Variants in ADAM12 observed in about 807,000 individuals in gnomAD.
ADAM12 encodes ADAM metallopeptidase domain 12, also known as disintegrin and metalloproteinase domain-containing protein 12.
A neutral mutation model predicts 106.4 loss-of-function variants in ADAM12; 70 were observed. That is an observed-to-expected ratio of 0.66 (90% CI 0.54 to 0.80). The LOEUF (loss-of-function observed/expected upper bound fraction) is 0.80. Among genes scored for constraint, ADAM12 ranks in the 30% least tolerant of loss-of-function variants. The pLI, the probability that ADAM12 is intolerant of heterozygous loss-of-function variation, is 0.00. For missense variants in ADAM12, 1,010 were observed against 1,171.9 expected, an observed-to-expected ratio of 0.86 and a Z score of 2.02; for synonymous variants, 420 against 433.5, an observed-to-expected ratio of 0.97 and a Z score of 0.39.
At chr10:126,121,167 A>ATATATACTATATATAC (rs1565074154) in intron 5 of ADAM12, among the ~76,000 whole-genome samples, 1,291 of 83,542 alleles carry the variant, frequency 0.015, 25 homozygotes, top group African/African-American at 0.02. Context: ...TATATATACT[A>ATATATACTATATATAC]TATATACTAT....
intron 3 of ADAM12, among the ~76,000 whole-genome samples, chr10:126,274,825 C>T (rs1412142988): frequency 2.0e-5 from 3 of 152,190 alleles, no homozygotes; most frequent in South Asian, 2.1e-4. Context: ...ATGCCATCTC[C>T]ACACTGGTTA....
rs968825734 is a variant in ADAM12, at chr10:126,145,501, C to A, written c.339+9726G>T. 4 of 152,730 alleles carry A rather than the reference C, an allele frequency of 2.6e-5. No homozygotes were observed. In the South Asian group the frequency reaches 6.2e-4, roughly 24 times the overall value. The allele number at this position is 152,730 out of a possible 1,614,324, so 9.5% of individuals were successfully genotyped here. A position where few individuals can be genotyped will look rare whatever the true frequency, so the allele number is the denominator to read the frequency against. Reference sequence around the variant, plus strand: ...CATATAGGAGCTGAGACTCTCCTGTCCAAGAGCTAGCCAGGCCTGATCCTG... The same window carrying A: ...CATATAGGAGCTGAGACTCTCCTGTACAAGAGCTAGCCAGGCCTGATCCTG... On this transcript the variant is annotated intron_variant, in intron 4 of 22. Coordinates refer to ENST00000448723, the MANE Select transcript of ADAM12 (RefSeq NM_001288973.2).
intron 3 of ADAM12, among the ~76,000 whole-genome samples, chr10:126,201,686 G>C (rs1280385658): frequency 2.0e-5 from 3 of 152,176 alleles, no homozygotes; most frequent in Non-Finnish European, 4.4e-5. Flanking sequence ...CCAGATGAGA[G>C]AGTGGTGGTG....
intron 14 of ADAM12, among the ~76,000 whole-genome samples, chr10:126,061,673 T>C (rs999473939): frequency 1.3e-5 from 2 of 152,072 alleles, no homozygotes; most frequent in Non-Finnish European, 2.9e-5. Context: ...GACAGAGACT[T>C]GCAGATGCTG....
chr10:126,237,394 A>G (rs149701082), intron 3 of ADAM12, among the ~76,000 whole-genome samples: 1 of 152,004 alleles, frequency 6.6e-6, no homozygotes, highest in Non-Finnish European at 1.5e-5. Context: ...TATACCCATC[A>G]CCCCAATTCA....
At chr10:126,118,714 G>A (rs1427985457) in intron 5 of ADAM12, among the ~76,000 whole-genome samples, 1 of 152,190 alleles carries the variant, frequency 6.6e-6, no homozygotes, top group Admixed American at 6.5e-5. Flanking sequence ...TGTCATCTGA[G>A]TAGTGTACGT....
intron 8 of ADAM12, among the ~76,000 whole-genome samples, chr10:126,101,555 A>G (rs147733829): frequency 2.2e-4 from 34 of 152,360 alleles, no homozygotes; most frequent in African/African-American, 7.7e-4. Flanking sequence ...GTACATACAG[A>G]TGTGTATTAT....
At chr10:126,094,834 G>T (rs1249412343) in intron 10 of ADAM12, among the ~76,000 whole-genome samples, 1 of 152,126 alleles carries the variant, frequency 6.6e-6, no homozygotes, top group Non-Finnish European at 1.5e-5. Context: ...GCGGCTGGGG[G>T]TTCATTAACC....
At chr10:126,226,570 G>C (rs936715422) in intron 3 of ADAM12, among the ~76,000 whole-genome samples, 4 of 152,212 alleles carry the variant, frequency 2.6e-5, no homozygotes, top group Admixed American at 2.6e-4. Context: ...GGCCAGCTGA[G>C]GGACCTTAGG....
intron 11 of ADAM12, among the ~76,000 whole-genome samples, chr10:126,078,530 T>C (rs998490248): frequency 1.9e-4 from 29 of 152,178 alleles, no homozygotes; most frequent in Admixed American, 5.9e-4. Flanking sequence ...CAAGGCTGTG[T>C]TGTAAGTTCT....
At chr10:126,116,449 C>G (rs1955984674) in intron 6 of ADAM12, among the ~76,000 whole-genome samples, 1 of 152,100 alleles carries the variant, frequency 6.6e-6, no homozygotes, top group African/African-American at 2.4e-5. Context: ...ATCTTTAAAT[C>G]CACCACTAAG....
At chr10:126,098,766 C>T (rs1176264254) in intron 9 of ADAM12, among the ~76,000 whole-genome samples, 1 of 152,060 alleles carries the variant, frequency 6.6e-6, no homozygotes, top group Non-Finnish European at 1.5e-5. Context: ...TTGTAATCTG[C>T]CTATTTCCTA....
intron 3 of ADAM12, among the ~76,000 whole-genome samples, chr10:126,226,263 C>CT (rs1958194860): frequency 6.6e-6 from 1 of 152,118 alleles, no homozygotes; most frequent in Admixed American, 6.5e-5. Context: ...GAGCAAATCT[C>CT]TCCAGGACAG....
At chr10:126,121,378 T>C (rs1244710313) in intron 5 of ADAM12, among the ~76,000 whole-genome samples, 1 of 127,402 alleles carries the variant, frequency 7.8e-6, no homozygotes, top group African/African-American at 3.0e-5. Context: ...TATGCAATTA[T>C]ATATTATATG....
rs1954814097 is a variant in ADAM12 at position 126,064,129 on chromosome 10, G to C, written c.1609+677C>G. ...TCAGGGGCTTGTTGGAGGGTCAGAA[G>C]AGACAAAGTGTGCCAAGTGCCCAGC... On this transcript the variant is annotated intron_variant, in intron 14 of 22. Coordinates refer to ENST00000448723, the MANE Select transcript of ADAM12 (RefSeq NM_001288973.2). This position sits in a 1 kb window ranked among gnomAD's most constrained non-coding sequence, Gnocchi z 4.4. Among the ~76,000 whole-genome samples, 1 of 152,200 alleles carries C rather than the reference G, an allele frequency of 6.6e-6. No homozygotes were observed. Among genetic ancestry groups the C allele is most frequent in the African/African-American group, 2.4e-5 (1 of 41,442 alleles).
In ADAM12 at chr10:126,014,041, G is replaced by C. The variant is rs1249025251; in HGVS notation, c.*3238C>G. Reference sequence around the variant, plus strand: ...GTGGGCCCCCCGAATACATAGGGGAGCCCTGCAAAGCAGTTTTGAAATGAG... The same window carrying C: ...GTGGGCCCCCCGAATACATAGGGGACCCCTGCAAAGCAGTTTTGAAATGAG... On this transcript the variant is annotated 3_prime_UTR_variant, in exon 23 of 23. Transcript: ENST00000448723. 6.6e-6 allele frequency: 1 copy of C among 152,202 alleles called. No homozygotes were observed. The highest frequency in any genetic ancestry group is 2.4e-5 in the African/African-American group (1 of 41,436). 9.4% of individuals were successfully genotyped at this position (152,202 alleles called of 1,614,324 possible).
intron 1 of ADAM12, among the ~76,000 whole-genome samples, chr10:126,352,160 A>G (rs1855384622): frequency 1.3e-5 from 2 of 152,190 alleles, no homozygotes; most frequent in Non-Finnish European, 2.9e-5. Context: ...AAGCCCTCTA[A>G]TTAGGAAAAA....
intron 1 of ADAM12, among the ~76,000 whole-genome samples, chr10:126,357,880 A>G (rs1855596464): frequency 6.6e-6 from 1 of 152,212 alleles, no homozygotes; most frequent in African/African-American, 2.4e-5. Context: ...GACACAGCCA[A>G]GCTATATTAG....
intron 3 of ADAM12, among the ~76,000 whole-genome samples, chr10:126,235,249 C>T (rs1056820389): frequency 4.6e-5 from 7 of 152,220 alleles, no homozygotes; most frequent in African/African-American, 1.7e-4. Context: ...CCTGACTGAC[C>T]GGTGACCACG....
Sources: allele counts gnomAD v4.1 joint callset (sites outside exome capture counted in the v4.1 genomes callset), GRCh38; gene constraint gnomAD v4.1.1; non-coding constraint Gnocchi (gnomAD v3.1); transcripts MANE v1.5; gene names NCBI Gene and HGNC (gene_info 2026-07-23, HGNC 2026-07-21).